Variants in MFSD2B observed in about 807,000 individuals in gnomAD.
The protein encoded by MFSD2B is MFSD2 lysolipid transporter B, sphingolipid, also known as sphingosine-1-phosphate transporter MFSD2B.
MFSD2B carries 56 observed loss-of-function variants against 58.4 expected under a neutral mutation model. That is an observed-to-expected ratio of 0.96 (90% CI 0.77 to 1.20). The LOEUF (loss-of-function observed/expected upper bound fraction) is 1.20. MFSD2B is among the 50% of genes most tolerant of loss of function. MFSD2B has a pLI of 0.00. For synonymous variants in MFSD2B, 287 were observed against 294.4 expected (o/e 0.97, Z 0.26); for missense variants, 645 against 667.6 (o/e 0.97, Z 0.37).
At chr2:24,018,673 G>C (rs1662624340) in intron 6 of MFSD2B, 1 of 175,948 alleles carries the variant, frequency 5.7e-6, no homozygotes. Flanking sequence ...TCCCCCTCTG[G>C]TTTCCTATTT....
rs1437319374 is a variant in MFSD2B, at chr2:24,022,073, C to T, written c.894+103C>T. The T allele has an allele frequency of 9.5e-6, 13 of 1,372,152 alleles. No individual in the cohort carries two copies. Among genetic ancestry groups the T allele is most frequent in the South Asian group, 2.5e-5 (2 of 79,712 alleles). The allele number at this position is 1,372,152 out of a possible 1,614,324, so 85.0% of individuals were successfully genotyped here. Reference sequence around the variant, plus strand: ...CTTGAGTTTTATAGGGAGAAACCTGCGGCTGGCACATGGCTCAGAGGGGCT... The same window carrying T: ...CTTGAGTTTTATAGGGAGAAACCTGTGGCTGGCACATGGCTCAGAGGGGCT... On this transcript the variant is annotated intron_variant, in intron 8 of 13. Transcript: ENST00000338315. This position sits in a 1 kb window ranked among gnomAD's most constrained non-coding sequence, Gnocchi z 4.5.
Position 24,025,742 on chromosome 2 carries a change from T to C in MFSD2B, c.*286T>C, listed in dbSNP as rs1662958690. 4.8e-6 allele frequency: 2 copies of C among 419,800 alleles called. No individual in the cohort carries two copies. Among genetic ancestry groups the C allele is most frequent in the Non-Finnish European group, 4.3e-6 (1 of 232,928 alleles). 26.0% of individuals were successfully genotyped at this position (419,800 alleles called of 1,614,324 possible). Reference sequence around the variant, plus strand: ...GGAAGCTCCTGCCCAACCTGGCTTGTGGACCAGTAATATCTGTGGCCTACC... The same window carrying C: ...GGAAGCTCCTGCCCAACCTGGCTTGCGGACCAGTAATATCTGTGGCCTACC... On this transcript the variant is annotated 3_prime_UTR_variant, in exon 14 of 14. Transcript: ENST00000338315.
At position 24,023,024 on chromosome 2, in the gene MFSD2B, G is replaced by A. The variant is rs530322570; in HGVS notation, c.1060-106G>A. 7.4e-7 allele frequency: 1 copy of A among 1,342,814 alleles called. No individual in the cohort carries two copies. Among genetic ancestry groups the A allele is most frequent in the East Asian group, 2.3e-5 (1 of 43,690 alleles). The allele number at this position is 1,342,814 out of a possible 1,614,324, so 83.2% of individuals were successfully genotyped here. A position where few individuals can be genotyped will look rare whatever the true frequency, so the allele number is the denominator to read the frequency against. On this transcript the variant is annotated intron_variant, in intron 10 of 13. Transcript: ENST00000338315. The surrounding 1 kb of genome is among the most constrained non-coding windows in gnomAD (Gnocchi z 5.0). ...ATCTGTGTTCCCTTGAGTCTTTAGGGCCTAGCACAGGGCAAGGCATGGGGG... is the reference window on the plus strand; with the variant it reads ...ATCTGTGTTCCCTTGAGTCTTTAGGACCTAGCACAGGGCAAGGCATGGGGG...
In MFSD2B at chr2:24,012,153, C is replaced by T. The variant is rs1303951791; in HGVS notation, c.97-1132C>T. Among the ~76,000 whole-genome samples the T allele has an allele frequency of 5.1e-5, 3 of 59,396 alleles. No individual in the cohort carries two copies. The highest frequency in any genetic ancestry group is 1.2e-4 in the Non-Finnish European group (3 of 25,762). The allele number at this position is 59,396 out of a possible 152,430, so 39.0% of individuals were successfully genotyped here. A position where few individuals can be genotyped will look rare whatever the true frequency, so the allele number is the denominator to read the frequency against. ...GAAACAAACAAACAAACAAACAAAA[C>T]ACACACACACACACACACACACACA... On this transcript the variant is annotated intron_variant, in intron 1 of 13. Transcript: ENST00000338315. The surrounding 1 kb of genome is among the most constrained non-coding windows in gnomAD (Gnocchi z 4.5).
chr2:24,018,665 C>T, intron 6 of MFSD2B: 2 of 179,174 alleles, frequency 1.1e-5, no homozygotes, highest in Non-Finnish European at 2.4e-5. Context: ...CCTGGGGCTC[C>T]CCCTCTGGTT....
At position 24,017,400 on chromosome 2, in the gene MFSD2B, C is replaced by T. The variant is rs1386442609; in HGVS notation, c.550+36C>T. 3.1e-6 allele frequency: 5 copies of T among 1,597,772 alleles called. No homozygotes were observed. The highest frequency in any genetic ancestry group is 4.3e-6 in the Non-Finnish European group (5 of 1,172,514). ...CCGTGGGTTTCGGGTTCCAGGGAGGCAACTGCCCCTGGGACCCCACTCCCT... is the reference window on the plus strand; with the variant it reads ...CCGTGGGTTTCGGGTTCCAGGGAGGTAACTGCCCCTGGGACCCCACTCCCT... On this transcript the variant is annotated intron_variant, in intron 5 of 13. Coordinates refer to ENST00000338315, the MANE Select transcript of MFSD2B (RefSeq NM_001346880.2). This position sits in a 1 kb window ranked among gnomAD's most constrained non-coding sequence, Gnocchi z 4.8.
At position 24,016,928 on chromosome 2, in the gene MFSD2B, G is replaced by A. The variant is rs1244985239; in HGVS notation, c.431G>A (p.Trp144Ter). 4.3e-6 allele frequency: 7 copies of A among 1,613,820 alleles called. No homozygotes were observed. In the Admixed American group the frequency reaches 1.2e-4, roughly 27 times the overall value. Residue 144 changes from tryptophan to a stop codon, truncating the protein, a stop_gained, in exon 4 of 14, where the codon TGG becomes TAG. Coordinates refer to ENST00000338315, the MANE Select transcript of MFSD2B (RefSeq NM_001346880.2). LOFTEE classifies it high-confidence loss of function. Reference protein sequence around the residue: ...LPPFTSLRGLWYTTFYCLFQA... With the variant: ...LPPFTSLRGL ...CCCTTCACCAGCCTGCGAGGCCTCT[G>A]GTACACGACTTTCTACTGCCTGTTC...
rs1186329519 is a variant in MFSD2B, at chr2:24,010,188, G to T, written c.92G>T (p.Arg31Leu). 2 of 1,417,090 alleles carry T rather than the reference G, an allele frequency of 1.4e-6. No homozygotes were observed. Among genetic ancestry groups the T allele is most frequent in the Non-Finnish European group, 1.8e-6 (2 of 1,091,486 alleles). The allele number at this position is 1,417,090 out of a possible 1,614,324, so 87.8% of individuals were successfully genotyped here. ...EPGPGSAKRG[R>L]EDSRAGRLSF... The stretch of plus-strand genomic sequence containing the variant: ...GGCCCGGGGAGCGCCAAGCGAGGGC[G>T]AGAGGTGAGCGGGGCGGCGGGGACC... The change falls in exon 1 of 14, where the codon CGA (arginine) becomes CTA (leucine). Residue 31 changes from arginine to leucine, a missense_variant. Arg to Leu is a moderately radical substitution (Grantham distance 102). Coordinates refer to ENST00000338315, the MANE Select transcript of MFSD2B (RefSeq NM_001346880.2).
Position 24,023,734 on chromosome 2 carries a change from C to T in MFSD2B, c.1313+8C>T, listed in dbSNP as rs1662885628. ...CTCCACCCTCAGTCTGGAGTGAGTC[C>T]CAGGGTTAGGATACAGCAGAGGCAC... On this transcript the variant is annotated splice_region_variant and intron_variant, in intron 12 of 13. Transcript: ENST00000338315. This position sits in a 1 kb window ranked among gnomAD's most constrained non-coding sequence, Gnocchi z 5.0. The T allele has an allele frequency of 1.2e-6, 2 of 1,613,276 alleles. No homozygotes were observed. Among genetic ancestry groups the T allele is most frequent in the African/African-American group, 1.3e-5 (1 of 74,894 alleles).
rs1439565735 is a variant in MFSD2B, at chr2:24,025,935, A to G, written c.*479A>G. 1 of 155,868 alleles carries G rather than the reference A, an allele frequency of 6.4e-6. No individual in the cohort carries two copies. Among genetic ancestry groups the G allele is most frequent in the Non-Finnish European group, 1.4e-5 (1 of 70,234 alleles). The allele number at this position is 155,868 out of a possible 1,614,324, so 9.7% of individuals were successfully genotyped here. A position where few individuals can be genotyped will look rare whatever the true frequency, so the allele number is the denominator to read the frequency against. ...GACGGGGTTTCACCGTGTTAGCCAG[A>G]ATGGTTTCGATCTCCTGACCTCGTG... is the stretch of plus-strand genomic sequence containing the variant. On this transcript the variant is annotated 3_prime_UTR_variant, in exon 14 of 14. Transcript: ENST00000338315.
intron 1 of MFSD2B, chr2:24,013,056 T>A: frequency 2.6e-6 from 1 of 383,846 alleles, no homozygotes; most frequent in Non-Finnish European, 4.6e-6. Flanking sequence ...CAGGGTAAGA[T>A]GTCCAGAAGA....
rs138187049 is a variant in MFSD2B at position 24,023,808 on chromosome 2, C to T, written c.1313+82C>T. The T allele has an allele frequency of 1.4e-4, 207 of 1,520,702 alleles. 2 individuals carry two copies. The South Asian group carries it at 2.3e-3, about 17-fold the overall frequency. 94.2% of individuals were successfully genotyped at this position (1,520,702 alleles called of 1,614,324 possible). ...GGCAAAGCCCCTCACCTACCAAGCT[C>T]AGGGCATCCATGAGCCTGGGGCCTA... On this transcript the variant is annotated intron_variant, in intron 12 of 13. Transcript: ENST00000338315. The surrounding 1 kb of genome is among the most constrained non-coding windows in gnomAD (Gnocchi z 5.0).
In MFSD2B at chr2:24,022,948, G is replaced by A. The variant is rs772699812; in HGVS notation, c.1059+46G>A. ...GGATTGGGGGTGGCCGGAGGGGAGA[G>A]GTGAGCGAGGTGACCTTGGTGCCTG... On this transcript the variant is annotated intron_variant, in intron 10 of 13. Coordinates refer to ENST00000338315, the MANE Select transcript of MFSD2B (RefSeq NM_001346880.2). This position sits in a 1 kb window ranked among gnomAD's most constrained non-coding sequence, Gnocchi z 4.5. 2.6e-6 allele frequency: 4 copies of A among 1,546,744 alleles called. No individual in the cohort carries two copies. The East Asian group carries it at 6.8e-5, about 26-fold the overall frequency.
Position 24,017,627 on chromosome 2 carries a change from C to T in MFSD2B, c.681+39C>T, listed in dbSNP as rs180767774. On this transcript the variant is annotated intron_variant, in intron 6 of 13. Transcript: ENST00000338315. The surrounding 1 kb of genome is among the most constrained non-coding windows in gnomAD (Gnocchi z 4.8). The stretch of plus-strand genomic sequence containing the variant: ...GTGGCAAGGCCCCCCAACCTGGGGT[C>T]CCCTCTGCAGGGTCACCTCCTTCCT... 4.6e-5 allele frequency: 70 copies of T among 1,520,472 alleles called. No individual in the cohort carries two copies. In the East Asian group the frequency reaches 1.5e-3, roughly 33 times the overall value. The allele number at this position is 1,520,472 out of a possible 1,614,324, so 94.2% of individuals were successfully genotyped here. A position where few individuals can be genotyped will look rare whatever the true frequency, so the allele number is the denominator to read the frequency against.
At position 24,023,177 on chromosome 2, in the gene MFSD2B, T is replaced by G. The variant is rs1444920493; in HGVS notation, c.1107T>G (p.Pro369=). 3.1e-6 allele frequency: 5 copies of G among 1,613,608 alleles called. 1 individual carries two copies. The East Asian group carries it at 6.7e-5, about 22-fold the overall frequency. ...AILLAAVPTA[P]VAYVVAFVSG... ...TGCTGGCTGCTGTGCCCACAGCACC[T>G]GTGGCATATGTCGTGGCCTTTGTAT... is the stretch of plus-strand genomic sequence containing the variant. Residue 369 remains proline (P), a synonymous_variant, in exon 11 of 14, where the codon CCT becomes CCG. Transcript: ENST00000338315. The surrounding 1 kb of genome is among the most constrained non-coding windows in gnomAD (Gnocchi z 5.0).
rs1472869011 is a variant in MFSD2B, at chr2:24,017,201, C to T, written c.472-85C>T. Reference sequence around the variant, plus strand: ...ATATGTCACGTTGGCCTGTGGGTGTCGGGATGTGACACCCAGGATGGGGGA... The same window carrying T: ...ATATGTCACGTTGGCCTGTGGGTGTTGGGATGTGACACCCAGGATGGGGGA... On this transcript the variant is annotated intron_variant, in intron 4 of 13. Transcript: ENST00000338315. This position sits in a 1 kb window ranked among gnomAD's most constrained non-coding sequence, Gnocchi z 4.8. 9 of 1,412,864 alleles carry T rather than the reference C, an allele frequency of 6.4e-6. No homozygotes were observed. Among genetic ancestry groups the T allele is most frequent in the East Asian group, 2.5e-5 (1 of 40,136 alleles). The allele number at this position is 1,412,864 out of a possible 1,614,324, so 87.5% of individuals were successfully genotyped here. A position where few individuals can be genotyped will look rare whatever the true frequency, so the allele number is the denominator to read the frequency against.
chr2:24,010,273 TG>T (rs1271400803), intron 1 of MFSD2B, 81 bp downstream of exon 1: 11 of 1,145,822 alleles, frequency 9.6e-6, no homozygotes, highest in African/African-American at 4.9e-5. Flanking sequence ...CTTTTCCAGC[TG>T]GGGGCAGCCC....
rs942676575 is a variant in MFSD2B at position 24,016,166 on chromosome 2, C to A, written c.233C>A (p.Ala78Asp). Reference sequence around the variant, plus strand: ...CCCTGTCTGTTTCAGATCCCTGCCGCCCAGGTGTCACTTGTTCTGTTTGGG... The same window carrying A: ...CCCTGTCTGTTTCAGATCCCTGCCGACCAGGTGTCACTTGTTCTGTTTGGG... ...FLLDIAQIPA[A>D]QVSLVLFGGK... The change falls in exon 3 of 14, where the codon GCC (alanine) becomes GAC (aspartate). Residue 78 changes from alanine (A) to aspartate (D), a missense_variant. Coordinates refer to ENST00000338315, the MANE Select transcript of MFSD2B (RefSeq NM_001346880.2). 6 of 1,613,540 alleles carry A rather than the reference C, an allele frequency of 3.7e-6. No individual in the cohort carries two copies. The African/African-American group carries it at 6.7e-5, about 18-fold the overall frequency.
At position 24,017,308 on chromosome 2, in the gene MFSD2B, C is replaced by A. The variant is rs765040513; in HGVS notation, c.494C>A (p.Ala165Glu). 6.2e-7 allele frequency: 1 copy of A among 1,604,364 alleles called. No individual in the cohort carries two copies. Among genetic ancestry groups the A allele is most frequent in the Non-Finnish European group, 8.5e-7 (1 of 1,176,046 alleles). ...LATFFQVPYT[A>E]LTMLLTPCPR... The stretch of plus-strand genomic sequence containing the variant: ...CAGTTCTTCCAGGTGCCCTACACAG[C>A]GCTCACCATGCTGCTGACTCCCTGC... Residue 165 changes from alanine (A) to glutamate (E), a missense_variant, in exon 5 of 14, where the codon GCG becomes GAG. Transcript: ENST00000338315. This position sits in a 1 kb window ranked among gnomAD's most constrained non-coding sequence, Gnocchi z 4.8.
Sources: gnomAD v4.1 joint callset for allele counts (sites outside exome capture counted in the v4.1 genomes callset) on GRCh38, gnomAD v4.1.1 for gene constraint, Gnocchi (gnomAD v3.1) non-coding constraint, MANE v1.5 for transcripts, NCBI Gene and HGNC (gene_info 2026-07-23, HGNC 2026-07-21) for gene names.